Variants in CYP2F1 observed in about 807,000 individuals in gnomAD.
The protein encoded by CYP2F1 is cytochrome P450 family 2 subfamily F member 1, also known as cytochrome P450 2F1.
Under a neutral mutation model 40.4 loss-of-function variants are expected in CYP2F1, and 33 were observed. The observed-to-expected ratio is 0.82, with a 90% CI of 0.62 to 1.09. The LOEUF is 1.09. Ranked by LOEUF, CYP2F1 falls within the 50% of genes least tolerant of loss-of-function variation. The pLI is 0.00. For missense variants in CYP2F1, 566 were observed against 655.7 expected, an observed-to-expected ratio of 0.86 and a Z score of 1.49; for synonymous variants, 235 against 277.2, an observed-to-expected ratio of 0.85 and a Z score of 1.51.
At chr19:41,127,609 CAGGCCTAAGCCA>C (rs771508210) in intron 9 of CYP2F1, among the ~76,000 whole-genome samples, 1 of 152,206 alleles carries the variant, frequency 6.6e-6, no homozygotes, top group Non-Finnish European at 1.5e-5. Context: ...GCTGGGATTA[CAGGCCTAAGCCA>C]GCACGCCCAG....
intron 6 of CYP2F1, 61 bp downstream of exon 6, chr19:41,122,194 C>T: frequency 7.0e-7 from 1 of 1,432,636 alleles, no homozygotes; most frequent in Non-Finnish European, 9.6e-7. Context: ...CTGCCCCTGC[C>T]TCAAACCCAC....
At position 41,123,399 on chromosome 19, in the gene CYP2F1, G is replaced by A. The variant is rs1199349750; in HGVS notation, c.964+436G>A. On this transcript the variant is annotated intron_variant, in intron 7 of 9. Coordinates refer to ENST00000331105, the MANE Select transcript of CYP2F1 (RefSeq NM_000774.5). ...CATCCAGCTAATTTTTCTATTTTTA[G>A]TAGAGACAGGGTTTCACCAAGTTGG... 6 of 348,734 alleles carry A rather than the reference G, an allele frequency of 1.7e-5. No individual in the cohort carries two copies. In the East Asian group the frequency reaches 3.1e-4, roughly 18 times the overall value. The allele number at this position is 348,734 out of a possible 1,614,324, so 21.6% of individuals were successfully genotyped here. A position where few individuals can be genotyped will look rare whatever the true frequency, so the allele number is the denominator to read the frequency against.
chr19:41,122,411 C>G (rs1202312581), intron 6 of CYP2F1, among the ~76,000 whole-genome samples: 4 of 152,080 alleles, frequency 2.6e-5, no homozygotes, highest in Non-Finnish European at 2.9e-5. Context: ...GCAGGAGGAT[C>G]GCTTGAGTCC....
chr19:41,117,591 T>G (rs953867076), intron 3 of CYP2F1, among the ~76,000 whole-genome samples: 4 of 151,958 alleles, frequency 2.6e-5, no homozygotes, highest in Non-Finnish European at 4.4e-5. Flanking sequence ...AAGTTCAAGC[T>G]CAGTCCCAAT....
rs201437439 is a variant in CYP2F1 at position 41,128,011 on chromosome 19, G to C, written c.1405G>C (p.Asp469His). 19 of 1,613,080 alleles carry C rather than the reference G, an allele frequency of 1.2e-5. No homozygotes were observed. The Admixed American group carries it at 3.0e-4, about 25-fold the overall frequency. ...GCCGCTGGGTGCGCCCGAGGACATC[G>C]ACCTGACCCCACTCAGCTCAGGTCT... Reference protein sequence around the residue: ...LQPLGAPEDIDLTPLSSGLGN... With the variant: ...LQPLGAPEDIHLTPLSSGLGN... Residue 469 changes from aspartate (D) to histidine (H), a missense_variant, in exon 10 of 10, where the codon GAC becomes CAC. Transcript: ENST00000331105.
At chr19:41,126,333 G>A (rs34395733) in intron 9 of CYP2F1, among the ~76,000 whole-genome samples, 25,950 of 151,948 alleles carry the variant, frequency 0.17, 2,289 homozygotes, top group South Asian at 0.21. Context: ...GCTGAGGCAG[G>A]AGAATCACTT....
rs1462053004 is a variant in CYP2F1, at chr19:41,122,110, T to C, written c.799T>C (p.Cys267Arg). The C allele has an allele frequency of 6.5e-7, 1 of 1,527,872 alleles. No individual in the cohort carries two copies. Among genetic ancestry groups the C allele is most frequent in the Middle Eastern group, 1.7e-4 (1 of 5,810 alleles). The allele number at this position is 1,527,872 out of a possible 1,614,324, so 94.6% of individuals were successfully genotyped here. The change falls in exon 6 of 10, where the codon TGC becomes CGC. Residue 267 changes from cysteine to arginine, a missense_variant. Cys to Arg is a radical substitution (Grantham distance 180). Transcript: ENST00000331105. ...DPRSPRDFIQ[C>R]FLTKMAEEKE... ...CAGATCTCCCCGGGACTTCATCCAGTGCTTCCTCACCAAGATGGCAGAGGT... is the reference window on the plus strand; with the variant it reads ...CAGATCTCCCCGGGACTTCATCCAGCGCTTCCTCACCAAGATGGCAGAGGT...
intron 1 of CYP2F1, among the ~76,000 whole-genome samples, chr19:41,115,928 A>G (rs879850505): frequency 6.6e-6 from 1 of 151,728 alleles, no homozygotes; most frequent in Non-Finnish European, 1.5e-5. Flanking sequence ...GGCCTCTCTT[A>G]GTCTCTGTTC....
intron 3 of CYP2F1, among the ~76,000 whole-genome samples, chr19:41,116,926 A>G (rs2031849918): frequency 6.6e-6 from 1 of 151,974 alleles, no homozygotes; most frequent in Non-Finnish European, 1.5e-5. Flanking sequence ...AACTCAGTCA[A>G]GTGGCCCCAG....
intron 7 of CYP2F1, among the ~76,000 whole-genome samples, chr19:41,124,256 T>A (rs305977): frequency 0.12 from 2,027 of 16,446 alleles, 93 homozygotes; most frequent in Admixed American, 0.24. Flanking sequence ...CCCCCCCCCC[T>A]TTTTTTTTTT....
Position 41,120,402 on chromosome 19 carries a change from G to A in CYP2F1, c.390G>A (p.Gln130=), listed in dbSNP as rs779412709. The change falls in exon 4 of 10, where the codon CAG becomes CAA. Residue 130 remains glutamine (Q), a synonymous_variant. Transcript: ENST00000331105. ...RWKVLRQFSI[Q]ILRNFGMGKR... The stretch of plus-strand genomic sequence containing the variant: ...AGGTCCTGAGACAGTTCTCTATCCA[G>A]ATTCTACGGAATTTCGGGATGGGGA... 1 of 1,613,974 alleles carries A rather than the reference G, an allele frequency of 6.2e-7. No individual in the cohort carries two copies. Among genetic ancestry groups the A allele is most frequent in the African/African-American group, 1.3e-5 (1 of 74,920 alleles).
chr19:41,126,347 C>T (rs1385410153), intron 9 of CYP2F1, among the ~76,000 whole-genome samples: 1 of 151,996 alleles, frequency 6.6e-6, no homozygotes, highest in African/African-American at 2.4e-5. Flanking sequence ...ATCACTTGAA[C>T]CCGGGAGGCG....
intron 7 of CYP2F1, among the ~76,000 whole-genome samples, chr19:41,123,721 G>T (rs1378000181): frequency 6.6e-6 from 1 of 151,804 alleles, no homozygotes; most frequent in African/African-American, 2.4e-5. Flanking sequence ...ACAGGGTCTC[G>T]CTGTGTTGCC....
chr19:41,122,867 A>T lies in CYP2F1; in HGVS notation c.868A>T (p.Met290Leu). ...CCACTTCCACATGGATACCCTGCTG[A>T]TGACCACACATAACCTGCTCTTTGG... ...LSHFHMDTLL[M>L]TTHNLLFGGT... The change falls in exon 7 of 10, where the codon ATG becomes TTG. Residue 290 changes from methionine (M) to leucine (L), a missense_variant. Coordinates refer to ENST00000331105, the MANE Select transcript of CYP2F1 (RefSeq NM_000774.5). 6.4e-7 allele frequency: 1 copy of T among 1,573,152 alleles called. No homozygotes were observed. The highest frequency in any genetic ancestry group is 8.6e-7 in the Non-Finnish European group (1 of 1,157,004).
Position 41,119,723 on chromosome 19 carries a change from C to CTCTCTCTATATATA in CYP2F1, c.335-623_335-622insCTCTCTATATATAT, listed in dbSNP as rs1478574507. ...TCTCTCTCTCTCTCTCTCTCTCTCTCTATATATATATATATATATATATAT... is the reference window on the plus strand; with the variant it reads ...TCTCTCTCTCTCTCTCTCTCTCTCTCTCTCTCTATATATATATATATATATATATATATATATAT... On this transcript the variant is annotated intron_variant, in intron 3 of 9. Transcript: ENST00000331105. Among the ~76,000 whole-genome samples the CTCTCTCTATATATA allele has an allele frequency of 5.9e-4, 21 of 35,790 alleles. 1 individual carries two copies. The highest frequency in any genetic ancestry group is 7.8e-4 in the Non-Finnish European group (15 of 19,242). 23.5% of individuals were successfully genotyped at this position (35,790 alleles called of 152,430 possible).
chr19:41,120,236 G>A, intron 3 of CYP2F1, 111 bp from the exon 4 acceptor site: 1 of 1,116,716 alleles, frequency 9.0e-7, no homozygotes, highest in Non-Finnish European at 1.3e-6. Flanking sequence ...AAGGAGCCAG[G>A]GAGATTCCAA....
Position 41,116,304 on chromosome 19 carries a change from T to A in CYP2F1, c.116T>A (p.Ile39Asn). ...KLPPGPRPLS[I>N]LGNLLLLCSQ... Reference sequence around the variant, plus strand: ...CCTCCGGGACCCAGACCCCTCTCAATCCTGGGAAACCTGCTGCTGCTTTGC... The same window carrying A: ...CCTCCGGGACCCAGACCCCTCTCAAACCTGGGAAACCTGCTGCTGCTTTGC... The change falls in exon 2 of 10, where the codon ATC becomes AAC. Residue 39 changes from isoleucine (I) to asparagine (N), a missense_variant. Ile to Asn is a moderately radical substitution (Grantham distance 149). Transcript: ENST00000331105. 6.2e-7 allele frequency: 1 copy of A among 1,614,038 alleles called. No individual in the cohort carries two copies. The highest frequency in any genetic ancestry group is 8.5e-7 in the Non-Finnish European group (1 of 1,179,998).
intron 9 of CYP2F1, among the ~76,000 whole-genome samples, chr19:41,127,247 A>G (rs1279493218): frequency 6.6e-6 from 1 of 152,206 alleles, no homozygotes. Flanking sequence ...GCTCAGAGTA[A>G]TGCATGGCCC....
At chr19:41,118,954 T>G (rs1271079554) in intron 3 of CYP2F1, among the ~76,000 whole-genome samples, 1 of 152,146 alleles carries the variant, frequency 6.6e-6, no homozygotes, top group Non-Finnish European at 1.5e-5. Flanking sequence ...TATCCTATAG[T>G]AGGTCCCAGT....
Sources: gnomAD v4.1 joint callset for allele counts (sites outside exome capture counted in the v4.1 genomes callset) on GRCh38, gnomAD v4.1.1 for gene constraint, MANE v1.5 for transcripts, NCBI Gene and HGNC (gene_info 2026-07-23, HGNC 2026-07-21) for gene names.